Variants in LMO7 observed in about 807,000 individuals in gnomAD.
LMO7 encodes the protein LIM domain only protein 7.
LMO7 carries 120 observed loss-of-function variants against 206.5 expected under a neutral mutation model. That is an observed-to-expected ratio of 0.58 (90% CI 0.50 to 0.68). LMO7 has a LOEUF of 0.68. LMO7 is among the 30% of genes least tolerant of loss of function. The pLI is 0.00. For synonymous variants in LMO7, 706 were observed against 681.5 expected (o/e 1.04, Z -0.56); for missense variants, 1,959 against 1,957.9 (o/e 1.00, Z -0.01).
intron 7 of LMO7, among the ~76,000 whole-genome samples, chr13:75,801,251 A>AG (rs1348880035): frequency 1.3e-5 from 2 of 152,028 alleles, no homozygotes; most frequent in African/African-American, 2.4e-5. Context: ...AAAAAAAAAA[A>AG]ATCTTCTAGT....
In LMO7 at chr13:75,804,974, G is replaced by A. The variant is rs543680062; in HGVS notation, c.914+433G>A. On this transcript the variant is annotated intron_variant, in intron 8 of 30. Transcript: ENST00000377534. Reference sequence around the variant, plus strand: ...AGGCGTACGGTTTTGAAAGTGGTTCGGACTCTGAGGATGAACGAAGGTTTC... The same window carrying A: ...AGGCGTACGGTTTTGAAAGTGGTTCAGACTCTGAGGATGAACGAAGGTTTC... 78 of 998,718 alleles carry A rather than the reference G, an allele frequency of 7.8e-5. 1 individual carries two copies. Among genetic ancestry groups the A allele is most frequent in the Admixed American group, 1.7e-4 (3 of 17,568 alleles). 61.9% of individuals were successfully genotyped at this position (998,718 alleles called of 1,614,324 possible).
At chr13:75,675,083 C>CT (rs141613191) in intron 1 of LMO7, among the ~76,000 whole-genome samples, 58,143 of 145,634 alleles carry the variant, frequency 0.4, 12,817 homozygotes, top group Middle Eastern at 0.51. Flanking sequence ...TTTCTTTTTT[C>CT]TTTTTTTTTT....
At chr13:75,782,883 T>C (rs1309702570) in intron 4 of LMO7, among the ~76,000 whole-genome samples, 1 of 152,204 alleles carries the variant, frequency 6.6e-6, no homozygotes, top group Non-Finnish European at 1.5e-5. Flanking sequence ...CCAGGATGTC[T>C]CCCCATCTGA....
intron 1 of LMO7, among the ~76,000 whole-genome samples, chr13:75,653,908 A>G (rs1011656078): frequency 1.2e-4 from 19 of 152,320 alleles, no homozygotes; most frequent in African/African-American, 4.6e-4. Context: ...GAAAGCTAGC[A>G]AATAAGTTAG....
rs1555352611 is a variant in LMO7 at position 75,858,055 on chromosome 13, GAA to G, written c.*113_*114del. On this transcript the variant is annotated 3_prime_UTR_variant, in exon 31 of 31. Coordinates refer to ENST00000377534, the MANE Select transcript of LMO7 (RefSeq NM_001306080.2). ...TTTTTTGCTTTTTTTTTAAAAAAAA[GAA>G]TAACTTTTTTTGCCTCTTTAGATTA... 4 of 1,326,518 alleles carry G rather than the reference GAA, an allele frequency of 3.0e-6. No homozygotes were observed. The highest frequency in any genetic ancestry group is 4.2e-6 in the Non-Finnish European group (4 of 953,292). The allele number at this position is 1,326,518 out of a possible 1,614,324, so 82.2% of individuals were successfully genotyped here. A position where few individuals can be genotyped will look rare whatever the true frequency, so the allele number is the denominator to read the frequency against.
intron 1 of LMO7, among the ~76,000 whole-genome samples, chr13:75,711,618 C>G (rs1408547783): frequency 6.6e-6 from 1 of 152,336 alleles, no homozygotes; most frequent in African/African-American, 2.4e-5. Context: ...GCGCTGCACC[C>G]CCCCTGTCCT....
At chr13:75,633,585 G>A (rs1258551948), upstream of LMO7, among the ~76,000 whole-genome samples, 1 of 152,066 alleles carries the variant, frequency 6.6e-6, no homozygotes, top group African/African-American at 2.4e-5. Flanking sequence ...AGACAGCCTG[G>A]TTTTTTCAAT....
At chr13:75,725,224 T>G (rs2044367938) in intron 2 of LMO7, among the ~76,000 whole-genome samples, 1 of 152,130 alleles carries the variant, frequency 6.6e-6, no homozygotes, top group Non-Finnish European at 1.5e-5. Flanking sequence ...GTTAACTGAA[T>G]GACCTGGCCA....
intron 4 of LMO7, among the ~76,000 whole-genome samples, chr13:75,790,325 C>G (rs772253397): frequency 2.0e-5 from 3 of 152,160 alleles, no homozygotes; most frequent in Non-Finnish European, 4.4e-5. Flanking sequence ...TTTTTTAAAT[C>G]TCTCACTAAA....
chr13:75,658,764 T>C (rs2038292791), intron 1 of LMO7, among the ~76,000 whole-genome samples: 1 of 151,352 alleles, frequency 6.6e-6, no homozygotes, highest in Non-Finnish European at 1.5e-5. Context: ...TTTTTTTTTG[T>C]ATTTTTAGTA....
chr13:75,684,926 T>G (rs1298691814), intron 1 of LMO7, among the ~76,000 whole-genome samples: 1 of 152,210 alleles, frequency 6.6e-6, no homozygotes, highest in East Asian at 1.9e-4. Context: ...TATAGTGATT[T>G]ACACTTATGC....
intron 1 of LMO7, among the ~76,000 whole-genome samples, chr13:75,689,904 G>C (rs1488084479): frequency 6.6e-6 from 1 of 152,070 alleles, no homozygotes; most frequent in African/African-American, 2.4e-5. Context: ...GTGATCCTGT[G>C]AGTCAATACT....
intron 4 of LMO7, among the ~76,000 whole-genome samples, chr13:75,761,650 G>T (rs1361799664): frequency 6.6e-6 from 1 of 152,002 alleles, no homozygotes; most frequent in Non-Finnish European, 1.5e-5. Flanking sequence ...GGTGAAAAAT[G>T]GTGTTTGTGT....
At chr13:75,784,569 C>T (rs1004661662) in intron 4 of LMO7, among the ~76,000 whole-genome samples, 7 of 152,166 alleles carry the variant, frequency 4.6e-5, no homozygotes, top group African/African-American at 1.7e-4. Flanking sequence ...GGGTTCATAT[C>T]ACACAGCACA....
chr13:75,828,509 T>G (rs1050669838), intron 15 of LMO7, among the ~76,000 whole-genome samples: 15 of 152,184 alleles, frequency 9.9e-5, no homozygotes, highest in Non-Finnish European at 1.9e-4. Flanking sequence ...TGTCTTTTGG[T>G]CCATAAAGAT....
chr13:75,713,185 G>A lies in LMO7; in HGVS notation c.73G>A (p.Val25Ile). The A allele has an allele frequency of 6.2e-7, 1 of 1,612,004 alleles. No homozygotes were observed. The highest frequency in any genetic ancestry group is 8.5e-7 in the Non-Finnish European group (1 of 1,178,668). Residue 25 changes from valine (V) to isoleucine (I), a missense_variant, in exon 2 of 31, where the codon GTA becomes ATA. Coordinates refer to ENST00000377534, the MANE Select transcript of LMO7 (RefSeq NM_001306080.2). The part of the protein sequence containing the change: ...FAEAQRWVEA[V>I]TEKNFETKDF... Reference sequence around the variant, plus strand: ...AACAACCAAACCTATCTTTCAGGCAGTAACAGAGAAGAATTTTGAAACAAA... The same window carrying A: ...AACAACCAAACCTATCTTTCAGGCAATAACAGAGAAGAATTTTGAAACAAA...
intron 3 of LMO7, among the ~76,000 whole-genome samples, chr13:75,752,122 A>C (rs935361399): frequency 3.9e-5 from 6 of 152,034 alleles, no homozygotes; most frequent in Middle Eastern, 3.4e-3. Flanking sequence ...GTTAAAGAAC[A>C]TTTTATTTTA....
chr13:75,810,402 A>G (rs899110465), intron 11 of LMO7, among the ~76,000 whole-genome samples: 1 of 152,244 alleles, frequency 6.6e-6, no homozygotes, highest in African/African-American at 2.4e-5. Flanking sequence ...AATGTAAAGC[A>G]GTATAACCAT....
At chr13:75,673,219 T>C (rs1293274059) in intron 1 of LMO7, among the ~76,000 whole-genome samples, 1 of 152,346 alleles carries the variant, frequency 6.6e-6, no homozygotes, top group African/African-American at 2.4e-5. Flanking sequence ...TCACCTTTTT[T>C]TTCATGATCT....
Sources: allele counts gnomAD v4.1 joint callset (sites outside exome capture counted in the v4.1 genomes callset), GRCh38; gene constraint gnomAD v4.1.1; transcripts MANE v1.5; gene names NCBI Gene and HGNC (gene_info 2026-07-23, HGNC 2026-07-21).